RNF212B: variants seen among roughly 807,000 people sequenced by gnomAD.
RNF212B encodes ring finger protein 212B, also known as E3 ubiquitin-protein ligase RNF212B.
In RNF212B, 52 loss-of-function variants were observed where a neutral mutation model predicts 55.5. The ratio of observed to expected loss-of-function variants is 0.94; its 90% CI spans 0.75 to 1.18. The LOEUF (loss-of-function observed/expected upper bound fraction) is 1.18, where lower values mean the gene tolerates loss of function less well. RNF212B is among the 50% of genes most tolerant of loss of function. The pLI, the probability that RNF212B is intolerant of heterozygous loss-of-function variation, is 0.00. For synonymous variants in RNF212B, 99 were observed against 121.4 expected (o/e 0.82, Z 1.21); for missense variants, 289 against 350.4 (o/e 0.82, Z 1.40).
intron 2 of RNF212B, among the ~76,000 whole-genome samples, chr14:23,224,388 T>C (rs1050292511): frequency 2.0e-5 from 3 of 152,300 alleles, no homozygotes; most frequent in Admixed American, 2.0e-4. Flanking sequence ...AGCATGCTAC[T>C]AGCATAAAAC....
At chr14:23,240,551 T>A in intron 2 of RNF212B, 106 bp downstream of exon 2, 1 of 654,286 alleles carries the variant, frequency 1.5e-6, no homozygotes, top group Admixed American at 2.9e-5. Context: ...ACTTATTAGG[T>A]CAATGGTGAT....
At chr14:23,271,490 T>C (rs78677707) in intron 14 of RNF212B, among the ~76,000 whole-genome samples, 1 of 119,968 alleles carries the variant, frequency 8.3e-6, no homozygotes, top group African/African-American at 2.9e-5. Context: ...CAGTCTTGCC[T>C]TTTTTTGTTT....
At chr14:23,244,846 T>A (rs182228282) in intron 4 of RNF212B, among the ~76,000 whole-genome samples, 2 of 152,352 alleles carry the variant, frequency 1.3e-5, no homozygotes, top group East Asian at 3.9e-4. Flanking sequence ...AATAACCTTT[T>A]TAGTAATACT....
intron 1 of RNF212B, 45 bp from the exon 2 acceptor site, chr14:23,240,300 G>C: frequency 7.7e-7 from 1 of 1,298,496 alleles, no homozygotes. Context: ...CTATAATTAT[G>C]TTATTCTCTA....
chr14:23,231,362 G>C (rs1036452368), intron 2 of RNF212B, among the ~76,000 whole-genome samples: 2 of 152,196 alleles, frequency 1.3e-5, no homozygotes, highest in East Asian at 3.9e-4. Flanking sequence ...ATTTAGTTGA[G>C]AAAAGTTAAT....
At chr14:23,202,849 CAA>C (rs796329912) in intron 2 of RNF212B, among the ~76,000 whole-genome samples, 37 of 63,354 alleles carry the variant, frequency 5.8e-4, no homozygotes, top group Admixed American at 9.1e-4. Flanking sequence ...GACCCTGTCT[CAA>C]AAAAAAAAAA....
chr14:23,208,431 A>C (rs1008295382), intron 2 of RNF212B, among the ~76,000 whole-genome samples: 2 of 152,194 alleles, frequency 1.3e-5, no homozygotes, highest in Non-Finnish European at 2.9e-5. Flanking sequence ...CAGGAGTTCA[A>C]GACTGCAATG....
upstream of RNF212B, among the ~76,000 whole-genome samples, chr14:23,232,946 GGT>G (rs1882820291): frequency 6.6e-6 from 1 of 152,310 alleles, no homozygotes; most frequent in South Asian, 2.1e-4. Context: ...TGATGACGAT[GGT>G]GGTTTTGTGG....
intron 4 of RNF212B, among the ~76,000 whole-genome samples, chr14:23,255,085 A>G (rs956285516): frequency 6.6e-6 from 1 of 152,202 alleles, no homozygotes; most frequent in African/African-American, 2.4e-5. Flanking sequence ...AAACAGGCCA[A>G]TTTTAGCTGG....
intron 8 of RNF212B, 102 bp downstream of exon 8, chr14:23,262,813 T>G (rs1885395655): frequency 6.9e-7 from 1 of 1,445,314 alleles, no homozygotes; most frequent in Non-Finnish European, 9.5e-7. Context: ...CTTCCTAACT[T>G]TATGTGTAAT....
intron 7 of RNF212B, 136 bp from the exon 8 acceptor site, chr14:23,262,529 T>C (rs1331906277): frequency 2.7e-6 from 2 of 730,334 alleles, no homozygotes; most frequent in Middle Eastern, 5.2e-4. Flanking sequence ...ATGCTACCTA[T>C]AATACATGAG....
chr14:23,223,133 A>C (rs1427516980), intron 2 of RNF212B, among the ~76,000 whole-genome samples: 2 of 152,030 alleles, frequency 1.3e-5, no homozygotes, highest in Non-Finnish European at 2.9e-5. Context: ...GATGGTTCAG[A>C]TATGCAAATC....
chr14:23,264,946 C>T (rs976180223), intron 11 of RNF212B, among the ~76,000 whole-genome samples: 1 of 151,942 alleles, frequency 6.6e-6, no homozygotes, highest in Non-Finnish European at 1.5e-5. Context: ...CTCAGCCTCC[C>T]GAGTAGCTAG....
chr14:23,238,380 T>G (rs1450248850), intron 1 of RNF212B, among the ~76,000 whole-genome samples: 2 of 152,056 alleles, frequency 1.3e-5, no homozygotes, highest in African/African-American at 4.8e-5. Context: ...CAGTACATTT[T>G]TTATCGTAAA....
At chr14:23,258,050 TA>T (rs1884978117) in intron 4 of RNF212B, among the ~76,000 whole-genome samples, 1 of 152,062 alleles carries the variant, frequency 6.6e-6, no homozygotes, top group Admixed American at 6.6e-5. Context: ...ATTAAGATAG[TA>T]AAAGGGGCCG....
intron 1 of RNF212B, among the ~76,000 whole-genome samples, chr14:23,186,971 A>G (rs1360479293): frequency 2.0e-5 from 3 of 152,272 alleles, no homozygotes; most frequent in African/African-American, 7.2e-5. Context: ...TGTGCCTTTT[A>G]GAGACTCACC....
intron 6 of RNF212B, among the ~76,000 whole-genome samples, 152 bp downstream of exon 6, chr14:23,260,096 A>C (rs6573081): frequency 0.17 from 26,484 of 152,102 alleles, 3,422 homozygotes; most frequent in African/African-American, 0.37. Context: ...TAGTAAATGG[A>C]TGAGGTCTCA....
intron 1 of RNF212B, 70 bp from the exon 2 acceptor site, chr14:23,240,275 T>C (rs2140435044): frequency 1.9e-6 from 2 of 1,050,752 alleles, no homozygotes; most frequent in Non-Finnish European, 2.8e-6. Flanking sequence ...CACGGTTACA[T>C]AGATTTTGGA....
At chr14:23,228,462 C>CA (rs776673043) in intron 2 of RNF212B, among the ~76,000 whole-genome samples, 17,092 of 75,696 alleles carry the variant, frequency 0.23, 1,689 homozygotes, top group South Asian at 0.41. Context: ...CTATCTCTAC[C>CA]AAAAAAAAAA....
Sources: allele counts gnomAD v4.1 joint callset (sites outside exome capture counted in the v4.1 genomes callset), GRCh38; gene constraint gnomAD v4.1.1; transcripts MANE v1.5; gene names NCBI Gene and HGNC (gene_info 2026-07-23, HGNC 2026-07-21).